The following DDR2 variants were observed in gnomAD, a reference collection of about 807,000 sequenced individuals.
The protein encoded by DDR2 is discoidin domain receptor tyrosine kinase 2.
In DDR2, 27 loss-of-function variants were observed where a neutral mutation model predicts 94.9. That is an observed-to-expected ratio of 0.28 (90% CI 0.21 to 0.39). The LOEUF (loss-of-function observed/expected upper bound fraction) is 0.39, where lower values mean the gene tolerates loss of function less well. Ranked by LOEUF, DDR2 falls within the 10% of genes least tolerant of loss-of-function variation. The pLI is 1.00. For missense variants in DDR2, 783 were observed against 1,076.0 expected (o/e 0.73, Z 3.81); for synonymous variants, 382 against 377.2 (o/e 1.01, Z -0.15).
chr1:162,640,329 C>G (rs937923581), intron 1 of DDR2, among the ~76,000 whole-genome samples: 1 of 152,056 alleles, frequency 6.6e-6, no homozygotes, highest in African/African-American at 2.4e-5. Flanking sequence ...TGTGAGCCAC[C>G]GCGCCCAGCT....
At chr1:162,745,684 C>T (rs951306096) in intron 3 of DDR2, among the ~76,000 whole-genome samples, 4 of 151,712 alleles carry the variant, frequency 2.6e-5, no homozygotes, top group African/African-American at 9.7e-5. Context: ...GTCTATATGT[C>T]TGTTTTTTCA....
chr1:162,775,539 A>G, intron 14 of DDR2, 113 bp from the exon 15 acceptor site: 1 of 1,183,318 alleles, frequency 8.5e-7, no homozygotes, highest in Non-Finnish European at 1.2e-6. Context: ...AGTTATCCAA[A>G]GGGAAACAAG....
chr1:162,681,808 A>G (rs1199900213), intron 2 of DDR2, among the ~76,000 whole-genome samples: 2 of 152,216 alleles, frequency 1.3e-5, no homozygotes, highest in Non-Finnish European at 2.9e-5. Flanking sequence ...ATTTAAACAT[A>G]GGAATTTTAA....
Position 162,776,388 on chromosome 1 carries a change from T to C in DDR2, c.2283+18T>C, listed in dbSNP as rs1454987446. The C allele has an allele frequency of 6.2e-7, 1 of 1,613,500 alleles. No individual in the cohort carries two copies. Among genetic ancestry groups the C allele is most frequent in the Admixed American group, 1.7e-5 (1 of 60,004 alleles). On this transcript the variant is annotated intron_variant, in intron 16 of 17. Transcript: ENST00000367921. ...TCTTGCTGGTAAGTTCTCAGCATTTTAAAGCCCTGTCTAACAACTGGCTTG... is the reference window on the plus strand; with the variant it reads ...TCTTGCTGGTAAGTTCTCAGCATTTCAAAGCCCTGTCTAACAACTGGCTTG...
rs764135762 is a variant in DDR2 at position 162,776,148 on chromosome 1, G to A, written c.2061G>A (p.Leu687=). 5.6e-6 allele frequency: 9 copies of A among 1,613,680 alleles called. No individual in the cohort carries two copies. Among genetic ancestry groups the A allele is most frequent in the Non-Finnish European group, 6.8e-6 (8 of 1,179,832 alleles). The change falls in exon 16 of 18, where the codon CTG becomes CTA. Residue 687 remains leucine (L), a synonymous_variant. Transcript: ENST00000367921. ...SDVRTVSYTN[L]KFMATQIASG... ...TCTATTTCCTCAGTTACACCAATCTGAAGTTTATGGCTACCCAAATTGCCT... is the reference window on the plus strand; with the variant it reads ...TCTATTTCCTCAGTTACACCAATCTAAAGTTTATGGCTACCCAAATTGCCT...
chr1:162,696,071 A>G (rs1290287775), intron 2 of DDR2, among the ~76,000 whole-genome samples: 1 of 152,200 alleles, frequency 6.6e-6, no homozygotes, highest in Non-Finnish European at 1.5e-5. Context: ...TGGATTATCC[A>G]TGACATAACC....
chr1:162,698,697 T>A (rs1660299573), intron 2 of DDR2, among the ~76,000 whole-genome samples: 1 of 152,130 alleles, frequency 6.6e-6, no homozygotes, highest in East Asian at 1.9e-4. Flanking sequence ...GCATCAGGAA[T>A]GTTTCTACCA....
rs189746891 is a variant in DDR2 at position 162,759,956 on chromosome 1, A to G, written c.832A>G (p.Ile278Val). ...YIEIMFEFDR[I>V]RNFTTMKVHC... ...TGAGATCATGTTTGAATTTGACCGC[A>G]TCAGGAATTTCACTACCATGAAGGT... Residue 278 changes from isoleucine to valine, a missense_variant, in exon 8 of 18, where the codon ATC becomes GTC. Around this residue, in one of 2 missense-constraint regions of DDR2, gnomAD observed 519 missense variants for 647.9 expected, o/e 0.80. Coordinates refer to ENST00000367921, the MANE Select transcript of DDR2 (RefSeq NM_006182.4). The G allele has an allele frequency of 5.6e-6, 9 of 1,614,154 alleles. No individual in the cohort carries two copies. The Admixed American group carries it at 1.5e-4, about 27-fold the overall frequency.
chr1:162,689,902 G>A (rs1009054379), intron 2 of DDR2, among the ~76,000 whole-genome samples: 1 of 144,678 alleles, frequency 6.9e-6, no homozygotes, highest in Non-Finnish European at 1.5e-5. Flanking sequence ...TGTAACCCTA[G>A]CTGCTTGGGA....
chr1:162,741,248 A>ATAATG (rs371729446), intron 3 of DDR2, among the ~76,000 whole-genome samples: 3,869 of 120,660 alleles, frequency 0.032, 122 homozygotes, highest in African/African-American at 0.056. Flanking sequence ...ATAATATAGT[A>ATAATG]TAATGTAATG....
Position 162,776,249 on chromosome 1 carries a change from A to G in DDR2, c.2162A>G (p.Asn721Ser), listed in dbSNP as rs531373389. ...LATRNCLVGK[N>S]YTIKIADFGM... ...ACACGAAACTGTTTAGTGGGTAAGAACTACACAATCAAGATAGCTGACTTT... is the reference window on the plus strand; with the variant it reads ...ACACGAAACTGTTTAGTGGGTAAGAGCTACACAATCAAGATAGCTGACTTT... Residue 721 changes from asparagine (N) to serine (S), a missense_variant, in exon 16 of 18, where the codon AAC becomes AGC. Transcript: ENST00000367921. 2.8e-5 allele frequency: 45 copies of G among 1,613,934 alleles called. 1 individual carries two copies. In the Admixed American group the frequency reaches 7.0e-4, roughly 25 times the overall value.
intron 3 of DDR2, among the ~76,000 whole-genome samples, chr1:162,745,660 A>T (rs1467413840): frequency 6.6e-6 from 1 of 151,662 alleles, no homozygotes; most frequent in Non-Finnish European, 1.5e-5. Context: ...CAGGCTCTCT[A>T]TTCTGTCCTA....
In DDR2 at chr1:162,767,285, G is replaced by T; in HGVS notation, c.1219G>T (p.Ala407Ser). The T allele has an allele frequency of 1.9e-6, 3 of 1,614,048 alleles. No homozygotes were observed. Among genetic ancestry groups the T allele is most frequent in the Non-Finnish European group, 2.5e-6 (3 of 1,179,992 alleles). The change falls in exon 11 of 18, where the codon GCC becomes TCC. Residue 407 changes from alanine (A) to serine (S), a missense_variant. By Grantham distance (99) the Ala-to-Ser change is moderately conservative (BLOSUM62 1). Around this residue, in one of 2 missense-constraint regions of DDR2, gnomAD observed 519 missense variants for 647.9 expected, o/e 0.80. Transcript: ENST00000367921. ...NTRILIGCLV[A>S]IIFILLAIIV... ...TCGGATCCTGATTGGCTGCTTGGTG[G>T]CCATCATCTTTATCCTCCTGGCCAT...
chr1:162,720,559 G>A (rs1397700190), intron 3 of DDR2, among the ~76,000 whole-genome samples: 2 of 149,484 alleles, frequency 1.3e-5, no homozygotes, highest in South Asian at 4.4e-4. Flanking sequence ...TACTGTAGAT[G>A]GGAATTTGAA....
rs759655133 is a variant in DDR2, at chr1:162,776,121, T to C, written c.2049-15T>C. 2 of 1,602,350 alleles carry C rather than the reference T, an allele frequency of 1.2e-6. No homozygotes were observed. The highest frequency in any genetic ancestry group is 1.7e-5 in the Admixed American group (1 of 60,006). ...TTCCATAGGCTACCTTCTGTCTTCTTGTCTATTTCCTCAGTTACACCAATC... is the reference window on the plus strand; with the variant it reads ...TTCCATAGGCTACCTTCTGTCTTCTCGTCTATTTCCTCAGTTACACCAATC... On this transcript the variant is annotated splice_polypyrimidine_tract_variant and intron_variant, in intron 15 of 17. Transcript: ENST00000367921.
In DDR2 at chr1:162,679,372, A is replaced by T. The variant is rs936469825; in HGVS notation, c.-28+23998A>T. On this transcript the variant is annotated intron_variant, in intron 2 of 17. Transcript: ENST00000367921. The stretch of plus-strand genomic sequence containing the variant: ...CTCTGACATGGAAAGAGAAACACAC[A>T]AATTTTCAGAGACACAGATGACCAT... Among the ~76,000 whole-genome samples the T allele has an allele frequency of 2.0e-5, 3 of 152,190 alleles. 1 individual carries two copies. Among genetic ancestry groups the T allele is most frequent in the Admixed American group, 6.5e-5 (1 of 15,272 alleles).
intron 1 of DDR2, among the ~76,000 whole-genome samples, chr1:162,648,094 A>G (rs1047054652): frequency 1.2e-4 from 18 of 146,220 alleles, no homozygotes; most frequent in Admixed American, 1.0e-3. Flanking sequence ...AGAGTCTTGT[A>G]TTTAATAAGA....
At position 162,719,108 on chromosome 1, in the gene DDR2, G is replaced by T; in HGVS notation, c.45G>T (p.Leu15=). The T allele has an allele frequency of 6.2e-7, 1 of 1,613,818 alleles. No individual in the cohort carries two copies. The highest frequency in any genetic ancestry group is 8.5e-7 in the Non-Finnish European group (1 of 1,179,816). The stretch of plus-strand genomic sequence containing the variant: ...TGCTCTTGGTGCTGTTCCTGCTGCT[G>T]CCTATCTTGAGTTCTGCAAAAGCTC... ...PRMLLVLFLL[L]PILSSAKAQV... is the part of the protein sequence containing the mutation. Residue 15 remains leucine (L), a synonymous_variant, in exon 3 of 18, where the codon CTG becomes CTT. Coordinates refer to ENST00000367921, the MANE Select transcript of DDR2 (RefSeq NM_006182.4).
intron 14 of DDR2, 89 bp from the exon 15 acceptor site, chr1:162,775,563 T>C: frequency 1.4e-6 from 2 of 1,410,708 alleles, no homozygotes; most frequent in Non-Finnish European, 2.0e-6. Context: ...TGGCATAATG[T>C]CCAGGAATAG....
Sources: gnomAD v4.1 joint callset for allele counts (sites outside exome capture counted in the v4.1 genomes callset) on GRCh38, gnomAD v4.1.1 for gene constraint, gnomAD v4.1.1 regional missense constraint, MANE v1.5 for transcripts, NCBI Gene and HGNC (gene_info 2026-07-23, HGNC 2026-07-21) for gene names.